Variants in MFHAS1 observed in about 807,000 individuals in gnomAD.
MFHAS1 encodes multifunctional ROCO family signaling regulator 1, also known as malignant fibrous histiocytoma-amplified sequence 1.
A neutral mutation model predicts 70.4 loss-of-function variants in MFHAS1; 50 were observed. The observed-to-expected ratio is 0.71, with a 90% confidence interval of 0.57 to 0.90. MFHAS1 has a LOEUF of 0.90. MFHAS1 is among the 40% of genes least tolerant of loss of function. MFHAS1 has a pLI of 0.00. For missense variants in MFHAS1, 1,795 were observed against 1,347.6 expected (o/e 1.33, Z -5.20); for synonymous variants, 952 against 620.0 (o/e 1.54, Z -7.96).
rs1353918217 is a variant in MFHAS1 at position 8,892,683 on chromosome 8, G to A, written c.376C>T (p.Leu126=). The A allele has an allele frequency of 3.2e-6, 5 of 1,582,286 alleles. No individual in the cohort carries two copies. The highest frequency in any genetic ancestry group is 2.7e-5 in the African/African-American group (2 of 74,372). ...AGAGCACTCACCACCTCCGCGCCCA[G>A]GGCGGTCAGCCGGTTGTGGCTCACG... ...LDVSHNRLTA[L]GAEVVSALRE... is the part of the protein sequence containing the mutation. The change falls in exon 1 of 3, where the codon CTG becomes TTG. Residue 126 remains leucine, a synonymous_variant. Coordinates refer to ENST00000276282, the MANE Select transcript of MFHAS1 (RefSeq NM_004225.3). This position sits in a 1 kb window ranked among gnomAD's most constrained non-coding sequence, Gnocchi z 4.7.
In MFHAS1 at chr8:8,847,784, C is replaced by G. The variant is rs576099454; in HGVS notation, c.2998+42277G>C. ...TGATAGGAGAGTTTCTATTCCCAAC[C>G]GCTTCAGACAGCAGGTGTTTAAAGT... On this transcript the variant is annotated intron_variant, in intron 1 of 2. Coordinates refer to ENST00000276282, the MANE Select transcript of MFHAS1 (RefSeq NM_004225.3). Among the ~76,000 whole-genome samples, 7 of 152,260 alleles carry G rather than the reference C, an allele frequency of 4.6e-5. No homozygotes were observed. The South Asian group carries it at 1.0e-3, about 23-fold the overall frequency.
intron 1 of MFHAS1, among the ~76,000 whole-genome samples, chr8:8,867,406 T>C (rs1032460479): frequency 1.3e-5 from 2 of 152,144 alleles, no homozygotes; most frequent in African/African-American, 2.4e-5. Flanking sequence ...AGGAGGCCCA[T>C]AGGTACTTGC....
At chr8:8,889,281 C>T (rs1238541385) in intron 1 of MFHAS1, among the ~76,000 whole-genome samples, 1 of 152,114 alleles carries the variant, frequency 6.6e-6, no homozygotes, top group African/African-American at 2.4e-5. Context: ...CGAGGAAACG[C>T]CCCTCAAAGA....
In MFHAS1 at chr8:8,826,646, T is replaced by C. The variant is rs182624755; in HGVS notation, c.2999-29155A>G. On this transcript the variant is annotated intron_variant, in intron 1 of 2. Coordinates refer to ENST00000276282, the MANE Select transcript of MFHAS1 (RefSeq NM_004225.3). ...TACTCGGGAGGCTGAGGCAGGACAA[T>C]CGCTTGAACCCAGAAGGTGGAGGCT... 3.2e-3 allele frequency among the ~76,000 whole-genome samples: 484 copies of C among 152,174 alleles called. 5 individuals are homozygous for C. Among genetic ancestry groups the C allele is most frequent in the African/African-American group, 0.011 (461 of 41,530 alleles).
chr8:8,849,469 C>T (rs1040319881), intron 1 of MFHAS1, among the ~76,000 whole-genome samples: 1 of 152,232 alleles, frequency 6.6e-6, no homozygotes, highest in African/African-American at 2.4e-5. Context: ...CACCACCCCA[C>T]ATGTGCATAA....
At chr8:8,854,440 G>A (rs1446447789) in intron 1 of MFHAS1, among the ~76,000 whole-genome samples, 2 of 152,074 alleles carry the variant, frequency 1.3e-5, no homozygotes, top group Non-Finnish European at 2.9e-5. Context: ...ATAATGGAGT[G>A]AACCCGGGAG....
intron 1 of MFHAS1, among the ~76,000 whole-genome samples, chr8:8,838,460 G>C (rs764168109): frequency 1.3e-5 from 2 of 152,132 alleles, no homozygotes; most frequent in Non-Finnish European, 2.9e-5. Flanking sequence ...AAGATGAAAA[G>C]AAGCGAAGCT....
intron 1 of MFHAS1, among the ~76,000 whole-genome samples, chr8:8,882,105 G>T (rs1809547775): frequency 6.6e-6 from 1 of 152,168 alleles, no homozygotes; most frequent in African/African-American, 2.4e-5. Flanking sequence ...CACAGGCCGA[G>T]CATGGTGGCT....
intron 1 of MFHAS1, among the ~76,000 whole-genome samples, chr8:8,887,430 A>G (rs1809803086): frequency 6.6e-6 from 1 of 152,002 alleles, no homozygotes; most frequent in Non-Finnish European, 1.5e-5. Context: ...CGAGAAATGT[A>G]CTATAATCAT....
chr8:8,851,882 GTTC>G (rs1437155019), intron 1 of MFHAS1, among the ~76,000 whole-genome samples: 1 of 152,166 alleles, frequency 6.6e-6, no homozygotes, highest in Non-Finnish European at 1.5e-5. Context: ...CGATCACAGT[GTTC>G]TCCATTCTCT....
chr8:8,864,267 C>T (rs1014226222), intron 1 of MFHAS1, among the ~76,000 whole-genome samples: 1 of 152,182 alleles, frequency 6.6e-6, no homozygotes, highest in South Asian at 2.1e-4. Flanking sequence ...AAAACAAAGC[C>T]ATTTTCTGCC....
intron 1 of MFHAS1, among the ~76,000 whole-genome samples, chr8:8,806,257 A>C (rs368450780): frequency 2.0e-5 from 3 of 152,174 alleles, no homozygotes; most frequent in Non-Finnish European, 4.4e-5. Context: ...TCCTTCCCCA[A>C]GTGTCCATTA....
At chr8:8,862,938 G>C (rs577823421) in intron 1 of MFHAS1, among the ~76,000 whole-genome samples, 68 of 152,322 alleles carry the variant, frequency 4.5e-4, no homozygotes, top group African/African-American at 1.6e-3. Flanking sequence ...AGGTCACTAA[G>C]AGTTTCTCCT....
intron 1 of MFHAS1, among the ~76,000 whole-genome samples, chr8:8,884,405 A>C (rs994697972): frequency 2.6e-5 from 4 of 152,232 alleles, no homozygotes; most frequent in Non-Finnish European, 5.9e-5. Flanking sequence ...TGTAAAATTA[A>C]AAACAATGAC....
chr8:8,873,931 C>G (rs1809188700), intron 1 of MFHAS1, among the ~76,000 whole-genome samples: 1 of 152,322 alleles, frequency 6.6e-6, no homozygotes, highest in East Asian at 1.9e-4. Flanking sequence ...TGTCTAAACA[C>G]TGCATCACGT....
At chr8:8,825,962 G>C (rs1432798316) in intron 1 of MFHAS1, among the ~76,000 whole-genome samples, 1 of 152,208 alleles carries the variant, frequency 6.6e-6, no homozygotes, top group Non-Finnish European at 1.5e-5. Flanking sequence ...TCATTTTGCA[G>C]TTGAGGCTGA....
At chr8:8,845,678 G>C (rs1159652155) in intron 1 of MFHAS1, among the ~76,000 whole-genome samples, 1 of 152,140 alleles carries the variant, frequency 6.6e-6, no homozygotes, top group Non-Finnish European at 1.5e-5. Flanking sequence ...TATACTCTGA[G>C]ATTTGTTAAC....
At chr8:8,823,401 G>C (rs181184662) in intron 1 of MFHAS1, among the ~76,000 whole-genome samples, 2 of 152,128 alleles carry the variant, frequency 1.3e-5, no homozygotes, top group South Asian at 4.1e-4. Context: ...CCCGCGCTCC[G>C]ATCCTGGTGC....
rs938868679 is a variant in MFHAS1, at chr8:8,784,532, A to G, written c.*1490T>C. On this transcript the variant is annotated 3_prime_UTR_variant, in exon 3 of 3. Transcript: ENST00000276282. ...GCCTGGGGCACAAAATATTCTACAA[A>G]AATCGGTTTGTGATTTCTAGCAGGG... The G allele has an allele frequency of 4.6e-5, 7 of 152,188 alleles. No individual in the cohort carries two copies. The highest frequency in any genetic ancestry group is 1.7e-4 in the African/African-American group (7 of 41,444). The allele number at this position is 152,188 out of a possible 1,614,324, so 9.4% of individuals were successfully genotyped here.
Sources: gnomAD v4.1 joint callset for allele counts (sites outside exome capture counted in the v4.1 genomes callset) on GRCh38, gnomAD v4.1.1 for gene constraint, Gnocchi (gnomAD v3.1) non-coding constraint, MANE v1.5 for transcripts, NCBI Gene and HGNC (gene_info 2026-07-23, HGNC 2026-07-21) for gene names.